Variants in TENM1 observed in about 807,000 individuals in gnomAD.
The protein encoded by TENM1 is teneurin transmembrane protein 1.
TENM1 carries 35 observed loss-of-function variants against 174.8 expected under a neutral mutation model. That is an observed-to-expected ratio of 0.20 (90% CI 0.15 to 0.27). The LOEUF is 0.27. Ranked by LOEUF, TENM1 falls within the 10% of genes least tolerant of loss-of-function variation. The pLI is 1.00. For missense variants in TENM1, 1,633 were observed against 2,130.1 expected, an observed-to-expected ratio of 0.77 and a Z score of 4.59; for synonymous variants, 781 against 798.7, an observed-to-expected ratio of 0.98 and a Z score of 0.37.
chrX:125,004,812 T>C, the TENM1 span, among the ~76,000 whole-genome samples: 5 of 111,984 alleles, frequency 4.5e-5, no homozygotes, highest in Admixed American at 4.7e-4. Flanking sequence ...TTCTATGTTT[T>C]TTTCTTTTTT....
chrX:124,793,301 A>T (rs1032352999), intron 3 of TENM1, among the ~76,000 whole-genome samples: 4 of 111,613 alleles, frequency 3.6e-5, no homozygotes, highest in African/African-American at 9.8e-5. Flanking sequence ...GCTAAGAAAT[A>T]TGAGAAAATA....
intron 21 of TENM1, among the ~76,000 whole-genome samples, chrX:124,484,960 C>T (rs776309460): frequency 5.2e-4 from 58 of 111,470 alleles, no homozygotes; most frequent in African/African-American, 1.7e-3. Flanking sequence ...GTGCTTAGTA[C>T]GTGCTAAACT....
chrX:124,789,483 G>A (rs2055127147), intron 3 of TENM1, among the ~76,000 whole-genome samples: 1 of 111,599 alleles, frequency 9.0e-6, no homozygotes, highest in South Asian at 3.8e-4. Context: ...TTCATGCTCT[G>A]TTTCCTTTTA....
chrX:124,694,762 A>G (rs1263069146), intron 5 of TENM1, among the ~76,000 whole-genome samples: 2 of 111,755 alleles, frequency 1.8e-5, no homozygotes, highest in African/African-American at 6.5e-5. Context: ...AGAGTCATCC[A>G]TGGTTAGGGC....
chrX:124,535,419 T>C (rs1277028135), intron 15 of TENM1, among the ~76,000 whole-genome samples: 1 of 111,356 alleles, frequency 9.0e-6, no homozygotes, highest in African/African-American at 3.3e-5. Flanking sequence ...CCATATAAAC[T>C]TCTGGAAAAG....
intron 18 of TENM1, among the ~76,000 whole-genome samples, chrX:124,505,038 T>C (rs763177931): frequency 1.8e-5 from 2 of 112,361 alleles, no homozygotes; most frequent in African/African-American, 3.2e-5. Context: ...TCCTCCACTC[T>C]ACCAAAGCTT....
At chrX:124,747,959 T>C (rs1419459098) in intron 3 of TENM1, among the ~76,000 whole-genome samples, 8 of 111,738 alleles carry the variant, frequency 7.2e-5, no homozygotes, top group Admixed American at 5.7e-4. Context: ...GTATACATGG[T>C]TCCCTTTTGC....
chrX:124,712,010 T>C (rs2053063900), intron 4 of TENM1, among the ~76,000 whole-genome samples: 1 of 112,086 alleles, frequency 8.9e-6, no homozygotes. Context: ...TGTTGTAGCA[T>C]TTGACAGGAT....
At chrX:124,812,506 T>C (rs955776417) in intron 3 of TENM1, among the ~76,000 whole-genome samples, 9 of 111,460 alleles carry the variant, frequency 8.1e-5, no homozygotes, top group African/African-American at 2.9e-4. Flanking sequence ...TGATTAGTGA[T>C]AGTATCATTA....
chrX:124,712,953 T>C (rs1481724757), intron 4 of TENM1, among the ~76,000 whole-genome samples: 1 of 111,964 alleles, frequency 8.9e-6, no homozygotes, highest in Non-Finnish European at 1.9e-5. Flanking sequence ...AAAAGAGTCA[T>C]TACTGGCAAA....
At position 124,644,204 on chromosome X, in the gene TENM1, C is replaced by CATATATATAT. The variant is rs1489841676; in HGVS notation, c.1876+938_1876+939insATATATATAT. Among the ~76,000 whole-genome samples the CATATATATAT allele has an allele frequency of 5.2e-3, 508 of 98,107 alleles. 5 individuals are homozygous for CATATATATAT. Among genetic ancestry groups the CATATATATAT allele is most frequent in the African/African-American group, 0.019 (492 of 25,857 alleles). 85.2% of individuals were successfully genotyped at this position (98,107 alleles called of 115,157 possible). On this transcript the variant is annotated intron_variant, in intron 10 of 31. Coordinates refer to ENST00000422452, the Ensembl canonical transcript of TENM1. ...ATATAGACATATATATATAAATTTA[C>CATATATATAT]ATATACATATATATATATATATGGC...
At chrX:124,637,237 A>C (rs1416911675) in intron 11 of TENM1, among the ~76,000 whole-genome samples, 1 of 109,684 alleles carries the variant, frequency 9.1e-6, no homozygotes, top group Non-Finnish European at 1.9e-5. Flanking sequence ...CTATGGGCGC[A>C]CGCCACCATG....
At chrX:125,185,564 C>T in the TENM1 span, among the ~76,000 whole-genome samples, 562 of 112,376 alleles carry the variant, frequency 5.0e-3, 4 homozygotes, top group African/African-American at 0.017. Flanking sequence ...GACTATATCA[C>T]CAAAACATTC....
At chrX:124,483,760 T>C (rs765278003) in intron 21 of TENM1, among the ~76,000 whole-genome samples, 7 of 112,159 alleles carry the variant, frequency 6.2e-5, no homozygotes, top group Non-Finnish European at 1.1e-4. Flanking sequence ...TCTTTCTTTA[T>C]GAAACTCACA....
chrX:124,390,313 T>C (rs181595033), intron 28 of TENM1, among the ~76,000 whole-genome samples: 2 of 112,785 alleles, frequency 1.8e-5, no homozygotes, highest in East Asian at 5.5e-4. Context: ...TAGGCTCTTA[T>C]GTTATTGTGC....
At chrX:124,752,584 T>C (rs1027022883) in intron 3 of TENM1, among the ~76,000 whole-genome samples, 2 of 111,974 alleles carry the variant, frequency 1.8e-5, no homozygotes, top group East Asian at 2.8e-4. Flanking sequence ...ATGTCCTGAA[T>C]GGTAATGCCT....
chrX:124,695,297 G>A (rs907198109), intron 5 of TENM1, among the ~76,000 whole-genome samples: 1 of 111,545 alleles, frequency 9.0e-6, no homozygotes, highest in African/African-American at 3.3e-5. Flanking sequence ...GGAAATGGGA[G>A]AATGCCGGGC....
intron 4 of TENM1, among the ~76,000 whole-genome samples, chrX:124,716,988 C>T (rs1315460103): frequency 2.7e-5 from 3 of 110,730 alleles, no homozygotes; most frequent in African/African-American, 9.9e-5. Context: ...CCTTGAGTCT[C>T]CTCCAAGCAA....
the TENM1 span, among the ~76,000 whole-genome samples, chrX:125,190,484 C>T: frequency 8.9e-6 from 1 of 112,007 alleles, no homozygotes; most frequent in East Asian, 2.8e-4. Context: ...ACATCCTGTT[C>T]AAATCCTAGC....
Sources: allele counts gnomAD v4.1 joint callset (sites outside exome capture counted in the v4.1 genomes callset), GRCh38; gene constraint gnomAD v4.1.1; transcripts MANE v1.5; gene names NCBI Gene and HGNC (gene_info 2026-07-23, HGNC 2026-07-21).